The following NBPF8 variants were observed in gnomAD, a reference collection of about 807,000 sequenced individuals.
NBPF8 encodes NBPF family member NBPF8.
At chr1:120,415,887 CT>C, upstream of NBPF8, among the ~76,000 whole-genome samples, 1 of 152,312 alleles carries the variant, frequency 6.6e-6, no homozygotes, top group African/African-American at 2.4e-5. Flanking sequence ...CTGTATCTGT[CT>C]TTCTGGCTTG....
chr1:120,424,213 C>T (rs1207553419), intron 1 of NBPF8, among the ~76,000 whole-genome samples: 11 of 151,616 alleles, frequency 7.3e-5, no homozygotes, highest in East Asian at 3.9e-4. Flanking sequence ...CTATTGTGTT[C>T]GTTTTGTGAC....
intron 3 of NBPF8, among the ~76,000 whole-genome samples, chr1:120,428,664 C>G (rs1198399680): frequency 6.6e-6 from 1 of 152,250 alleles, no homozygotes; most frequent in African/African-American, 2.4e-5. Context: ...GATGCTGCCC[C>G]TGACTCTGGG....
At chr1:120,454,181 G>A in intron 15 of NBPF8, 67 bp downstream of exon 13, 1 of 1,498,924 alleles carries the variant, frequency 6.7e-7, no homozygotes, top group Admixed American at 1.9e-5. Context: ...CTGAAGACAG[G>A]CTCTATAAAC....
chr1:120,451,684 C>T, intron 12 of NBPF8, among the ~76,000 whole-genome samples: 1 of 147,844 alleles, frequency 6.8e-6, no homozygotes, highest in Admixed American at 6.9e-5. Context: ...CCTTCTCGAC[C>T]CTGTCATTCT....
upstream of NBPF8, among the ~76,000 whole-genome samples, chr1:120,415,287 G>A (rs1553244940): frequency 0.025 from 3,814 of 152,222 alleles, 69 homozygotes; most frequent in East Asian, 0.085. Context: ...TGAAGGCGCC[G>A]CGCCAGGCCG....
intron 1 of NBPF8, among the ~76,000 whole-genome samples, chr1:120,421,434 C>T (rs1439647941): frequency 2.7e-5 from 4 of 150,302 alleles, no homozygotes; most frequent in Non-Finnish European, 5.9e-5. Flanking sequence ...TTCCCTCCCT[C>T]CTTCCCTTCT....
downstream of NBPF8, among the ~76,000 whole-genome samples, chr1:120,468,833 C>T (rs1661823924): frequency 6.6e-6 from 1 of 151,392 alleles, no homozygotes; most frequent in Non-Finnish European, 1.5e-5. Context: ...CCCTGCTGTC[C>T]TGGCCTCTAT....
At chr1:120,450,019 G>C (rs1323848730) in intron 11 of NBPF8, among the ~76,000 whole-genome samples, 2 of 152,064 alleles carry the variant, frequency 1.3e-5, no homozygotes, top group Non-Finnish European at 2.9e-5. Flanking sequence ...ATCAGGTCAG[G>C]AGTTTGGGAC....
At chr1:120,469,416 GAA>G (rs1286003226), downstream of NBPF8, among the ~76,000 whole-genome samples, 4 of 137,588 alleles carry the variant, frequency 2.9e-5, no homozygotes, top group Admixed American at 7.5e-5. Flanking sequence ...AATCGTATCT[GAA>G]AGACTCTCTG....
intron 11 of NBPF8, among the ~76,000 whole-genome samples, chr1:120,450,869 T>A (rs1163856113): frequency 6.6e-6 from 1 of 151,964 alleles, no homozygotes; most frequent in African/African-American, 2.4e-5. Flanking sequence ...CTGCAAGGCT[T>A]GGGAAAGTGG....
At chr1:120,431,359 AATATATATATAT>A (rs869036983), upstream of NBPF8, among the ~76,000 whole-genome samples, 1,728 of 42,038 alleles carry the variant, frequency 0.041, 63 homozygotes, top group Admixed American at 0.1. Context: ...CCAAATAGGG[AATATATATATAT>A]ATATATATAT....
exon 19 of NBPF8, chr1:120,461,363 C>T (rs1334229394): frequency 9.4e-7 from 1 of 1,063,854 alleles, no homozygotes; most frequent in Non-Finnish European, 1.3e-6. Flanking sequence ...CTCATGCCAG[C>T]CCTACAGAAG....
exon 25 of NBPF8, chr1:120,467,687 AT>A (rs1661775549): frequency 6.6e-6 from 1 of 150,570 alleles, no homozygotes; most frequent in Non-Finnish European, 1.5e-5. Context: ...CTGAGTTTTA[AT>A]TTTTGTCCAA....
At chr1:120,428,349 C>CA (rs1305938098) in intron 3 of NBPF8, among the ~76,000 whole-genome samples, 1 of 152,040 alleles carries the variant, frequency 6.6e-6, no homozygotes, top group Non-Finnish European at 1.5e-5. Flanking sequence ...ACAAAGTAGC[C>CA]AAAAAGAAAC....
intron 3 of NBPF8, among the ~76,000 whole-genome samples, chr1:120,428,532 T>C (rs1290272147): frequency 6.6e-6 from 1 of 151,928 alleles, no homozygotes; most frequent in Non-Finnish European, 1.5e-5. Flanking sequence ...GAAGGAGAAA[T>C]AAACTCCCAT....
chr1:120,465,563 A>G (rs1661717388), intron 24 of NBPF8, among the ~76,000 whole-genome samples, 192 bp downstream of exon 22: 1 of 131,576 alleles, frequency 7.6e-6, no homozygotes, highest in East Asian at 2.0e-4. Flanking sequence ...TTCCTAACGT[A>G]CCATAGGTTG....
intron 3 of NBPF8, among the ~76,000 whole-genome samples, chr1:120,431,001 A>C (rs1178706367): frequency 6.6e-6 from 1 of 151,174 alleles, no homozygotes; most frequent in Non-Finnish European, 1.5e-5. Flanking sequence ...TGATTCTACC[A>C]TTTATATGGT....
exon 25 of NBPF8, chr1:120,466,631 T>C: frequency 5.8e-6 from 1 of 172,658 alleles, no homozygotes; most frequent in South Asian, 8.5e-5. Context: ...CCTCATTCTT[T>C]GTGTCTTCAG....
exon 1 of NBPF8, chr1:120,436,574 C>T (rs113186256): frequency 2.5e-6 from 4 of 1,577,292 alleles, no homozygotes; most frequent in African/African-American, 2.7e-5. Context: ...GATGAACATT[C>T]TAGAAATCAA....
Sources: allele counts gnomAD v4.1 joint callset (sites outside exome capture counted in the v4.1 genomes callset), GRCh38; gene constraint gnomAD v4.1.1; transcripts MANE v1.5; gene names NCBI Gene and HGNC (gene_info 2026-07-23, HGNC 2026-07-21).